Variants in RGS7 observed in about 807,000 individuals in gnomAD.
The protein encoded by RGS7 is regulator of G-protein signaling 7.
RGS7 carries 27 observed loss-of-function variants against 81.1 expected under a neutral mutation model. The ratio of observed to expected loss-of-function variants is 0.33; its 90% CI spans 0.25 to 0.46. The LOEUF is 0.46. RGS7 is among the 20% of genes least tolerant of loss of function. The pLI is 1.00. For missense variants in RGS7, 396 were observed against 607.4 expected, an observed-to-expected ratio of 0.65 and a Z score of 3.66; for synonymous variants, 208 against 207.7, an observed-to-expected ratio of 1.00 and a Z score of -0.01.
At chr1:241,127,867 A>G (rs1474240488) in intron 2 of RGS7, among the ~76,000 whole-genome samples, 1 of 152,224 alleles carries the variant, frequency 6.6e-6, no homozygotes, top group African/African-American at 2.4e-5. Context: ...CAGAAAGATA[A>G]GAGGATGATA....
At chr1:241,338,447 T>C (rs1366269257) in intron 2 of RGS7, among the ~76,000 whole-genome samples, 4 of 152,152 alleles carry the variant, frequency 2.6e-5, no homozygotes, top group Non-Finnish European at 5.9e-5. Context: ...AAGAAAAGAT[T>C]CTTCAGCTAC....
At chr1:241,345,023 G>A (rs868705254) in intron 2 of RGS7, among the ~76,000 whole-genome samples, 46 of 152,320 alleles carry the variant, frequency 3.0e-4, no homozygotes, top group African/African-American at 1.1e-3. Context: ...GAAAAATGTG[G>A]TACATACACA....
At chr1:241,097,952 C>G (rs946903219) in intron 3 of RGS7, among the ~76,000 whole-genome samples, 1 of 152,174 alleles carries the variant, frequency 6.6e-6, no homozygotes, top group Non-Finnish European at 1.5e-5. Context: ...TAAACCCTCA[C>G]GCTCTTTCCT....
intron 2 of RGS7, among the ~76,000 whole-genome samples, chr1:241,121,029 T>C (rs879416700): frequency 6.6e-6 from 1 of 152,174 alleles, no homozygotes; most frequent in Non-Finnish European, 1.5e-5. Context: ...TATCTCTCCA[T>C]GAGATAGCCT....
At chr1:240,997,485 T>C (rs1485263530) in intron 3 of RGS7, among the ~76,000 whole-genome samples, 1 of 152,188 alleles carries the variant, frequency 6.6e-6, no homozygotes, top group Non-Finnish European at 1.5e-5. Flanking sequence ...TTTAGAATCA[T>C]ATCAGACGTT....
chr1:241,087,993 T>C (rs1413181484), intron 3 of RGS7, among the ~76,000 whole-genome samples: 9 of 105,338 alleles, frequency 8.5e-5, no homozygotes, highest in Admixed American at 2.1e-4. Context: ...TATATATATA[T>C]ATACACACAC....
chr1:240,955,018 T>A (rs1303950392), intron 4 of RGS7, among the ~76,000 whole-genome samples: 1 of 152,190 alleles, frequency 6.6e-6, no homozygotes, highest in Non-Finnish European at 1.5e-5. Flanking sequence ...GAAATAGTGA[T>A]AAATCTAACA....
At chr1:240,821,222 G>A in intron 10 of RGS7, among the ~76,000 whole-genome samples, 1 of 152,128 alleles carries the variant, frequency 6.6e-6, no homozygotes, top group East Asian at 1.9e-4. Flanking sequence ...GGAGGCTGAA[G>A]CAAGTGGATC....
chr1:240,883,946 C>A (rs1666873803), intron 6 of RGS7, among the ~76,000 whole-genome samples: 1 of 151,844 alleles, frequency 6.6e-6, no homozygotes, highest in African/African-American at 2.4e-5. Flanking sequence ...CGTGGTGGCA[C>A]ACGTCTATAA....
At chr1:241,303,255 T>G (rs2079882225) in intron 2 of RGS7, among the ~76,000 whole-genome samples, 1 of 152,060 alleles carries the variant, frequency 6.6e-6, no homozygotes, top group Non-Finnish European at 1.5e-5. Context: ...AATGAGTGAG[T>G]CCCCATGAAA....
chr1:240,780,117 T>A (rs1056827245), intron 18 of RGS7, among the ~76,000 whole-genome samples: 3 of 152,196 alleles, frequency 2.0e-5, no homozygotes, highest in Non-Finnish European at 4.4e-5. Flanking sequence ...CATGTGCATA[T>A]ATACCTATTC....
intron 3 of RGS7, among the ~76,000 whole-genome samples, chr1:241,079,830 TTTTATTTA>T (rs10700153): frequency 1.1e-4 from 16 of 151,120 alleles, no homozygotes; most frequent in Admixed American, 4.0e-4. Context: ...CCCCATAGGC[TTTTATTTA>T]TTTATTTATT....
chr1:240,782,336 C>G (rs1259702958), intron 18 of RGS7, among the ~76,000 whole-genome samples: 2 of 152,212 alleles, frequency 1.3e-5, no homozygotes, highest in East Asian at 3.9e-4. Context: ...CAGTGCAGTT[C>G]CTTGGATGCT....
chr1:241,107,633 T>A (rs1461481985), intron 2 of RGS7, among the ~76,000 whole-genome samples: 1 of 152,238 alleles, frequency 6.6e-6, no homozygotes, highest in African/African-American at 2.4e-5. Flanking sequence ...CACACTTGGA[T>A]GCACTAACCC....
chr1:241,283,416 A>C (rs1362334587), intron 2 of RGS7, among the ~76,000 whole-genome samples: 1 of 152,170 alleles, frequency 6.6e-6, no homozygotes, highest in African/African-American at 2.4e-5. Flanking sequence ...TGCTGGATAT[A>C]GTGTTCTGAG....
At chr1:240,936,556 C>T (rs373026370) in intron 5 of RGS7, 44 bp downstream of exon 5, 43 of 1,411,532 alleles carry the variant, frequency 3.0e-5, no homozygotes, top group Non-Finnish European at 4.1e-5. Flanking sequence ...AAACGAAATG[C>T]GGGCTTCTAG....
chr1:241,087,764 C>T (rs940348199), intron 3 of RGS7, among the ~76,000 whole-genome samples: 1 of 152,008 alleles, frequency 6.6e-6, no homozygotes, highest in Non-Finnish European at 1.5e-5. Context: ...GCCCAGGCAA[C>T]ATGGCAAAAG....
chr1:241,101,774 T>C (rs1057315782), intron 2 of RGS7, among the ~76,000 whole-genome samples: 5 of 152,220 alleles, frequency 3.3e-5, no homozygotes, highest in Admixed American at 2.6e-4. Context: ...CCTTGTATTA[T>C]CTGCTTAACG....
At chr1:240,887,734 T>C (rs188181751) in intron 6 of RGS7, among the ~76,000 whole-genome samples, 83 of 152,318 alleles carry the variant, frequency 5.4e-4, no homozygotes, top group African/African-American at 1.8e-3. Flanking sequence ...TCTCAAAATA[T>C]ATTTCAATTT....
Sources: allele counts gnomAD v4.1 joint callset (sites outside exome capture counted in the v4.1 genomes callset), GRCh38; gene constraint gnomAD v4.1.1; transcripts MANE v1.5; gene names NCBI Gene and HGNC (gene_info 2026-07-23, HGNC 2026-07-21).